The following ASF1A variants were observed in gnomAD, a reference collection of about 807,000 sequenced individuals.
ASF1A encodes anti-silencing function 1A histone chaperone, also known as histone chaperone ASF1A.
In ASF1A, 5 loss-of-function variants were observed where a neutral mutation model predicts 22.0. The observed-to-expected ratio is 0.23, with a 90% CI of 0.12 to 0.48. The LOEUF is 0.48. Ranked by LOEUF, ASF1A falls within the 20% of genes least tolerant of loss-of-function variation. The probability of loss-of-function intolerance (pLI) is 0.99; values close to 1 mark genes in which losing one functional copy is unlikely to be tolerated. For synonymous variants in ASF1A, 97 were observed against 86.7 expected, an observed-to-expected ratio of 1.12 and a Z score of -0.66; for missense variants, 137 against 240.6, an observed-to-expected ratio of 0.57 and a Z score of 2.85.
intron 1 of ASF1A, among the ~76,000 whole-genome samples, chr6:118,896,781 A>G (rs1779445887): frequency 6.6e-6 from 1 of 152,176 alleles, no homozygotes. Flanking sequence ...AATAGGTTCC[A>G]TACTTTTATA....
chr6:118,900,749 T>C lies in ASF1A; in HGVS notation c.110-17T>C, dbSNP rs1260939660. On this transcript the variant is annotated splice_polypyrimidine_tract_variant and intron_variant, in intron 1 of 3. Transcript: ENST00000229595. ...AATTACTGAATATGAAATAATGCTT[T>C]GGTTTTTTAACCCTAGACTTGGAAT... 1.3e-6 allele frequency: 2 copies of C among 1,516,770 alleles called. No homozygotes were observed. The highest frequency in any genetic ancestry group is 3.3e-5 in the Admixed American group (2 of 59,902). 94.0% of individuals were successfully genotyped at this position (1,516,770 alleles called of 1,614,324 possible). A position where few individuals can be genotyped will look rare whatever the true frequency, so the allele number is the denominator to read the frequency against.
chr6:118,895,702 TA>T (rs967355454), intron 1 of ASF1A, among the ~76,000 whole-genome samples: 1 of 152,218 alleles, frequency 6.6e-6, no homozygotes, highest in African/African-American at 2.4e-5. Context: ...TATCTTTTAC[TA>T]AAGTAATTCA....
intron 2 of ASF1A, 54 bp downstream of exon 2, chr6:118,900,935 A>G: frequency 8.4e-7 from 1 of 1,187,682 alleles, no homozygotes; most frequent in Non-Finnish European, 1.3e-6. Context: ...AGTAGACTAT[A>G]TTATCTATTA....
rs887902149 is a variant in ASF1A at position 118,906,979 on chromosome 6, G to C, written c.403-423G>C. On this transcript the variant is annotated intron_variant, in intron 3 of 3. Coordinates refer to ENST00000229595, the MANE Select transcript of ASF1A (RefSeq NM_014034.3). ...TCTAAGAATGAGCCATCTTTAAAAG[G>C]TGTAGGAAACCATTAATAATAAGTT... Among the ~76,000 whole-genome samples the C allele has an allele frequency of 5.9e-5, 9 of 152,104 alleles. No individual in the cohort carries two copies. The South Asian group carries it at 8.3e-4, about 14-fold the overall frequency.
chr6:118,902,809 G>A (rs1021895822), intron 2 of ASF1A, among the ~76,000 whole-genome samples: 1 of 152,170 alleles, frequency 6.6e-6, no homozygotes, highest in African/African-American at 2.4e-5. Flanking sequence ...AACAGAAAGA[G>A]ACTAAATTAC....
Position 118,900,805 on chromosome 6 carries a change from G to A in ASF1A, c.149G>A (p.Ser50Asn). 6.2e-7 allele frequency: 1 copy of A among 1,613,866 alleles called. No homozygotes were observed. Among genetic ancestry groups the A allele is most frequent in the Non-Finnish European group, 8.5e-7 (1 of 1,179,766 alleles). ...ATTATCTATGTGGGCTCTGCAGAAA[G>A]TGAAGAATACGATCAAGTTTTAGAC... ...WKIIYVGSAE[S>N]EEYDQVLDSV... is the part of the protein sequence containing the mutation. The change falls in exon 2 of 4, where the codon AGT becomes AAT. Residue 50 changes from serine to asparagine, a missense_variant. This residue lies in a region of ASF1A where 96 missense variants were observed against 196.7 expected (regional missense o/e 0.49). Transcript: ENST00000229595.
intron 1 of ASF1A, among the ~76,000 whole-genome samples, chr6:118,895,811 G>A (rs958986651): frequency 6.6e-6 from 1 of 152,076 alleles, no homozygotes; most frequent in Non-Finnish European, 1.5e-5. Context: ...CATTGAAGAT[G>A]ATTTAGGTAA....
In ASF1A at chr6:118,894,157, T is replaced by G. The variant is rs1000104029; in HGVS notation, c.-257T>G. Reference sequence around the variant, plus strand: ...CTCGCTGGAGGAGGAGGGTCAGAACTCGGGTGCAGCCAATCGAGGGCAACG... The same window carrying G: ...CTCGCTGGAGGAGGAGGGTCAGAACGCGGGTGCAGCCAATCGAGGGCAACG... On this transcript the variant is annotated 5_prime_UTR_variant, in exon 1 of 4. Coordinates refer to ENST00000229595, the MANE Select transcript of ASF1A (RefSeq NM_014034.3). The G allele has an allele frequency of 1.9e-5, 24 of 1,255,702 alleles. No individual in the cohort carries two copies. The highest frequency in any genetic ancestry group is 2.3e-5 in the Non-Finnish European group (23 of 994,686). The allele number at this position is 1,255,702 out of a possible 1,614,324, so 77.8% of individuals were successfully genotyped here.
Position 118,894,165 on chromosome 6 carries a change from A to G in ASF1A, c.-249A>G. The G allele has an allele frequency of 7.9e-7, 1 of 1,267,398 alleles. No homozygotes were observed. The highest frequency in any genetic ancestry group is 1.0e-6 in the Non-Finnish European group (1 of 1,001,808). The allele number at this position is 1,267,398 out of a possible 1,614,324, so 78.5% of individuals were successfully genotyped here. On this transcript the variant is annotated 5_prime_UTR_variant, in exon 1 of 4. Transcript: ENST00000229595. ...AGGAGGAGGGTCAGAACTCGGGTGC[A>G]GCCAATCGAGGGCAACGCTGCTACT...
chr6:118,905,883 G>A (rs747198371), intron 3 of ASF1A, 55 bp downstream of exon 3: 21 of 1,338,308 alleles, frequency 1.6e-5, no homozygotes, highest in Non-Finnish European at 1.9e-5. Context: ...TTTTAAAGCA[G>A]TTGCTATTGC....
chr6:118,896,615 A>G (rs1204753204), intron 1 of ASF1A, among the ~76,000 whole-genome samples: 2 of 152,164 alleles, frequency 1.3e-5, no homozygotes, highest in Non-Finnish European at 2.9e-5. Context: ...TTCACTTCCT[A>G]GGCACCATTA....
intron 1 of ASF1A, among the ~76,000 whole-genome samples, chr6:118,897,904 G>GC (rs1253552830): frequency 6.6e-6 from 1 of 152,058 alleles, no homozygotes; most frequent in Non-Finnish European, 1.5e-5. Context: ...ACTGTAGCAA[G>GC]CATCCCATAA....
intron 2 of ASF1A, among the ~76,000 whole-genome samples, chr6:118,905,355 A>G (rs1780106921): frequency 2.0e-5 from 1 of 48,978 alleles, no homozygotes; most frequent in Non-Finnish European, 3.7e-5. Flanking sequence ...TTTATAATGA[A>G]TAGTGTATAA....
intron 1 of ASF1A, among the ~76,000 whole-genome samples, chr6:118,897,957 T>C (rs1291454038): frequency 6.6e-6 from 1 of 152,210 alleles, no homozygotes; most frequent in Admixed American, 6.5e-5. Flanking sequence ...TTGCAGCCTG[T>C]TCTTGTTAAG....
At chr6:118,897,968 G>A (rs912443531) in intron 1 of ASF1A, among the ~76,000 whole-genome samples, 12 of 152,158 alleles carry the variant, frequency 7.9e-5, no homozygotes, top group African/African-American at 2.9e-4. Context: ...TCTTGTTAAG[G>A]CTAGATTCTC....
At position 118,907,488 on chromosome 6, in the gene ASF1A, A is replaced by C; in HGVS notation, c.489A>C (p.Ala163=). Residue 163 remains alanine, a synonymous_variant, in exon 4 of 4, where the codon GCA becomes GCC. Transcript: ENST00000229595. ...ATAACACAGAAAAACTGGAAGATGC[A>C]GAGAGCAGTAATCCAAATCTACAGT... ...WEDNTEKLED[A]ESSNPNLQSL... The C allele has an allele frequency of 6.2e-7, 1 of 1,613,600 alleles. No homozygotes were observed.
intron 1 of ASF1A, 50 bp downstream of exon 1, chr6:118,894,572 T>C (rs775262274): frequency 4.1e-6 from 6 of 1,452,668 alleles, no homozygotes; most frequent in Middle Eastern, 1.8e-4. Flanking sequence ...GCTGCAGACG[T>C]TGAAAGTTTC....
chr6:118,906,365 G>A (rs985636419), intron 3 of ASF1A, among the ~76,000 whole-genome samples: 6 of 152,212 alleles, frequency 3.9e-5, no homozygotes, highest in East Asian at 1.9e-4. Flanking sequence ...GAGCCACCAC[G>A]CCCAGAGAAA....
chr6:118,899,258 C>A (rs1779643724), intron 1 of ASF1A, among the ~76,000 whole-genome samples: 1 of 152,208 alleles, frequency 6.6e-6, no homozygotes. Flanking sequence ...CTGCTCAAAA[C>A]CCTTCGATGG....
Sources: gnomAD v4.1 joint callset for allele counts (sites outside exome capture counted in the v4.1 genomes callset) on GRCh38, gnomAD v4.1.1 for gene constraint, gnomAD v4.1.1 regional missense constraint, MANE v1.5 for transcripts, NCBI Gene and HGNC (gene_info 2026-07-23, HGNC 2026-07-21) for gene names.